KAZN: variants seen among roughly 807,000 people sequenced by gnomAD.
KAZN encodes the protein kazrin, periplakin interacting protein, also known as kazrin.
In KAZN, 40 loss-of-function variants were observed where a neutral mutation model predicts 87.4. That is an observed-to-expected ratio of 0.46 (90% confidence interval 0.36 to 0.60). The LOEUF is 0.60. Ranked by LOEUF, KAZN falls within the 20% of genes least tolerant of loss-of-function variation. The pLI, the probability that KAZN is intolerant of heterozygous loss-of-function variation, is 0.00. For synonymous variants in KAZN, 466 were observed against 458.3 expected (o/e 1.02, Z -0.22); for missense variants, 898 against 1,073.9 (o/e 0.84, Z 2.29).
intron 8 of KAZN, among the ~76,000 whole-genome samples, chr1:15,093,812 T>C (rs1309799379): frequency 6.6e-6 from 1 of 152,152 alleles, no homozygotes. Flanking sequence ...GTGTAGCAGT[T>C]CATCTTATTT....
At chr1:14,070,261 G>GT (rs201417536) in intron 1 of KAZN, among the ~76,000 whole-genome samples, 6 of 151,400 alleles carry the variant, frequency 4.0e-5, no homozygotes, top group African/African-American at 7.3e-5. Flanking sequence ...AGGGATTAAG[G>GT]TTTTTTTTAT....
chr1:14,248,127 G>A lies in KAZN; in HGVS notation c.249+67535G>A, dbSNP rs577510413. Among the ~76,000 whole-genome samples, 19 of 152,236 alleles carry A rather than the reference G, an allele frequency of 1.2e-4. No homozygotes were observed. In the South Asian group the frequency reaches 2.9e-3, roughly 23 times the overall value. On this transcript the variant is annotated intron_variant, in intron 2 of 16. Transcript: ENST00000636203. ...AAAAGTTGATTGCATAGATGCTCCC[G>A]GGTTCATTAACACCGAACATAAGCC...
At chr1:14,304,957 T>TAA (rs1162800970) in intron 2 of KAZN, among the ~76,000 whole-genome samples, 4 of 150,028 alleles carry the variant, frequency 2.7e-5, no homozygotes, top group African/African-American at 9.9e-5. Context: ...TTTTTTTTTT[T>TAA]AATTTTAAAT....
At chr1:15,101,945 A>C (rs1193172012) in intron 11 of KAZN, among the ~76,000 whole-genome samples, 171 bp downstream of exon 11, 1 of 151,844 alleles carries the variant, frequency 6.6e-6, no homozygotes, top group East Asian at 1.9e-4. Context: ...CTACCTACCT[A>C]TCCAGCCATC....
At chr1:14,351,242 G>A (rs1010487356) in intron 2 of KAZN, among the ~76,000 whole-genome samples, 3 of 152,156 alleles carry the variant, frequency 2.0e-5, no homozygotes, top group Admixed American at 6.5e-5. Flanking sequence ...TGCTTTTCTC[G>A]CTTCAGAAAC....
At chr1:14,598,541 G>A (rs1382150005), upstream of KAZN, among the ~76,000 whole-genome samples, 8 of 152,016 alleles carry the variant, frequency 5.3e-5, no homozygotes, top group African/African-American at 1.9e-4. The surrounding 1 kb of genome is among the most constrained non-coding windows in gnomAD (Gnocchi z 4.2). Flanking sequence ...GCCGTCCGCC[G>A]CCTCCGCCCC....
chr1:14,007,138 T>A (rs1640071945), intron 1 of KAZN, among the ~76,000 whole-genome samples: 1 of 152,182 alleles, frequency 6.6e-6, no homozygotes, highest in Non-Finnish European at 1.5e-5. Flanking sequence ...TAGATAAGTC[T>A]TGATTGGTGT....
At chr1:14,386,010 A>G (rs1034774194) in intron 2 of KAZN, among the ~76,000 whole-genome samples, 3 of 151,990 alleles carry the variant, frequency 2.0e-5, no homozygotes, top group Non-Finnish European at 4.4e-5. Context: ...TATTGGGTAC[A>G]TATATTTTTA....
intron 1 of KAZN, among the ~76,000 whole-genome samples, chr1:14,887,654 C>A (rs1055667028): frequency 4.0e-5 from 6 of 151,288 alleles, no homozygotes; most frequent in Non-Finnish European, 7.4e-5. Flanking sequence ...GAACCATCAA[C>A]CCGTCGTGGT....
At chr1:14,692,838 C>A (rs1303326385) in intron 1 of KAZN, among the ~76,000 whole-genome samples, 1 of 152,188 alleles carries the variant, frequency 6.6e-6, no homozygotes. Flanking sequence ...GAGGCTGAGG[C>A]ATGAGAATCG....
Position 14,385,572 on chromosome 1 carries a change from T to C in KAZN, c.249+204980T>C, listed in dbSNP as rs569787455. 1.1e-3 allele frequency among the ~76,000 whole-genome samples: 160 copies of C among 152,302 alleles called. No individual in the cohort carries two copies. In the East Asian group the frequency reaches 0.014, roughly 13 times the overall value. On this transcript the variant is annotated intron_variant, in intron 2 of 16. Transcript: ENST00000636203. The stretch of plus-strand genomic sequence containing the variant: ...TTTCTGCCTTCATTTCATTATGTAC[T>C]CAGTAGTCATTCAGGAGCAGGTTGT...
At chr1:14,472,878 G>A (rs559180861) in intron 2 of KAZN, among the ~76,000 whole-genome samples, 5 of 152,236 alleles carry the variant, frequency 3.3e-5, no homozygotes, top group South Asian at 2.1e-4. Context: ...ATACAAAGTC[G>A]ATTAGATATG....
intron 1 of KAZN, among the ~76,000 whole-genome samples, chr1:14,633,278 A>G (rs1377521632): frequency 6.6e-6 from 1 of 152,190 alleles, no homozygotes; most frequent in Non-Finnish European, 1.5e-5. Flanking sequence ...CAAGTCCCCA[A>G]AACTTTGTAT....
At chr1:13,922,459 T>C (rs796140084) in intron 1 of KAZN, among the ~76,000 whole-genome samples, 46 of 152,328 alleles carry the variant, frequency 3.0e-4, no homozygotes, top group African/African-American at 1.1e-3. Flanking sequence ...TCTCTTGTGG[T>C]CGCATTTCTA....
chr1:13,901,869 G>C (rs539829837), intron 1 of KAZN, among the ~76,000 whole-genome samples: 1 of 152,372 alleles, frequency 6.6e-6, no homozygotes, highest in South Asian at 2.1e-4. Flanking sequence ...TATGCACTAG[G>C]ATTGTGATAA....
chr1:14,528,717 C>G (rs1402815739), intron 2 of KAZN, among the ~76,000 whole-genome samples: 1 of 141,092 alleles, frequency 7.1e-6, no homozygotes, highest in Non-Finnish European at 1.5e-5. Context: ...CCACTGCACT[C>G]TAGCCTGAGT....
intron 1 of KAZN, among the ~76,000 whole-genome samples, chr1:14,662,974 T>C (rs1244709468): frequency 6.9e-6 from 1 of 145,502 alleles, no homozygotes. Flanking sequence ...CATATATATA[T>C]ATATATATTT....
rs150503509 is a variant in KAZN, at chr1:14,193,127, C to T, written c.249+12535C>T. 2.1e-3 allele frequency among the ~76,000 whole-genome samples: 322 copies of T among 152,270 alleles called. 9 individuals carry two copies. In the East Asian group the frequency reaches 0.042, roughly 20 times the overall value. ...CTTCCCCCTGTACTTCTCCTTCCTG[C>T]CGCCTTGTGAAGAAGGTGCCTTGCT... On this transcript the variant is annotated intron_variant, in intron 2 of 16. Coordinates refer to the KAZN transcript ENST00000636203.
intron 2 of KAZN, among the ~76,000 whole-genome samples, chr1:15,016,257 G>A (rs1557719112): frequency 6.6e-6 from 1 of 152,134 alleles, no homozygotes; most frequent in African/African-American, 2.4e-5. Context: ...CCTTGATTTC[G>A]AGCTTCTGGC....
Sources: allele counts gnomAD v4.1 joint callset (sites outside exome capture counted in the v4.1 genomes callset), GRCh38; gene constraint gnomAD v4.1.1; non-coding constraint Gnocchi (gnomAD v3.1); transcripts MANE v1.5; gene names NCBI Gene and HGNC (gene_info 2026-07-23, HGNC 2026-07-21).